NKIRAS1: variants seen among roughly 807,000 people sequenced by gnomAD.
The protein encoded by NKIRAS1 is NF-kappa-B inhibitor-interacting Ras-like protein 1.
In NKIRAS1, 16 loss-of-function variants were observed where a neutral mutation model predicts 19.8. The observed-to-expected ratio is 0.81, with a 90% CI of 0.55 to 1.23. The LOEUF is 1.23. NKIRAS1 is among the 50% of genes most tolerant of loss of function. NKIRAS1 has a pLI of 0.00. For missense variants in NKIRAS1, 184 were observed against 220.0 expected (o/e 0.84, Z 1.04); for synonymous variants, 88 against 79.0 (o/e 1.11, Z -0.61).
upstream of NKIRAS1, chr3:23,920,883 T>C (rs1168479296): frequency 6.5e-5 from 40 of 613,868 alleles, no homozygotes; most frequent in Non-Finnish European, 7.9e-5. Flanking sequence ...CTTACAGTGC[T>C]AATGTACTTT....
intron 3 of NKIRAS1, among the ~76,000 whole-genome samples, chr3:23,908,705 G>C (rs1032070279): frequency 1.3e-5 from 2 of 151,582 alleles, no homozygotes; most frequent in African/African-American, 4.9e-5. Flanking sequence ...TTTCAGACAG[G>C]GTCTCCTAAG....
At position 23,943,856 on chromosome 3, in the gene NKIRAS1, C is replaced by A. The variant is rs568903993; in HGVS notation, c.-140+2467G>T. On this transcript the variant is annotated intron_variant, in intron 1 of 4. Transcript: ENST00000421515. ...TTGGAAAGAGAAGCAGGACCCACAT[C>A]TGTGCAGGGCGAAGCAGGTCAGGTT... 2.5e-3 allele frequency among the ~76,000 whole-genome samples: 374 copies of A among 152,354 alleles called. 1 individual carries two copies. The highest frequency in any genetic ancestry group is 4.3e-3 in the Non-Finnish European group (290 of 68,040).
At chr3:23,917,820 T>C (rs374895871), upstream of NKIRAS1, 42 of 1,576,328 alleles carry the variant, frequency 2.7e-5, no homozygotes, top group Non-Finnish European at 3.3e-5. Flanking sequence ...TTAAAGCGGA[T>C]GATATTTAAT....
chr3:23,921,575 T>TGG (rs1559513555), upstream of NKIRAS1: 2 of 547,024 alleles, frequency 3.7e-6, no homozygotes, highest in Admixed American at 5.4e-5. Flanking sequence ...ATTGAGTTTT[T>TGG]TTTTTTTTTT....
chr3:23,910,974 T>C, intron 2 of NKIRAS1, 53 bp from the exon 3 acceptor site: 1 of 1,312,794 alleles, frequency 7.6e-7, no homozygotes, highest in Non-Finnish European at 1.1e-6. Flanking sequence ...AATTAACCAT[T>C]TCTTTTTCTT....
In NKIRAS1 at chr3:23,894,174, C is replaced by T. The variant is rs1056447971; in HGVS notation, c.337-837G>A. Among the ~76,000 whole-genome samples the T allele has an allele frequency of 6.6e-5, 10 of 152,264 alleles. No individual in the cohort carries two copies. In the South Asian group the frequency reaches 1.2e-3, roughly 19 times the overall value. On this transcript the variant is annotated intron_variant, in intron 4 of 4. Coordinates refer to ENST00000425478, the MANE Select transcript of NKIRAS1 (RefSeq NM_020345.4). ...TGCTTACTATACACCAGACACTGCG[C>T]GTGACAGAATACAGCAGTCAAAGCT...
chr3:23,899,069 T>C (rs546107736), intron 4 of NKIRAS1, among the ~76,000 whole-genome samples: 3 of 152,264 alleles, frequency 2.0e-5, no homozygotes, highest in Non-Finnish European at 4.4e-5. Flanking sequence ...AACCGGTCCC[T>C]GGTGCCAAAA....
intron 4 of NKIRAS1, among the ~76,000 whole-genome samples, chr3:23,897,028 A>C (rs142692169): frequency 1.3e-5 from 2 of 152,076 alleles, no homozygotes; most frequent in Non-Finnish European, 2.9e-5. Context: ...GCAACAGAGC[A>C]AGACCTTGTC....
rs1158130725 is a variant in NKIRAS1 at position 23,890,450 on chromosome 3, G to T, written c.*2645C>A. 1.9e-6 allele frequency: 3 copies of T among 1,548,888 alleles called. No individual in the cohort carries two copies. The East Asian group carries it at 6.9e-5, about 36-fold the overall frequency. ...GTATCTACCCAAGCTGTCACTATTCGCTAAAGTTTAAAATGTTCTTTTCCT... is the reference window on the plus strand; with the variant it reads ...GTATCTACCCAAGCTGTCACTATTCTCTAAAGTTTAAAATGTTCTTTTCCT... On this transcript the variant is annotated 3_prime_UTR_variant, in exon 5 of 5. Transcript: ENST00000425478.
In NKIRAS1 at chr3:23,891,604, C is replaced by A. The variant is rs943666084; in HGVS notation, c.*1491G>T. 6.6e-6 allele frequency: 1 copy of A among 152,186 alleles called. No individual in the cohort carries two copies. The highest frequency in any genetic ancestry group is 1.5e-5 in the Non-Finnish European group (1 of 68,026). The allele number at this position is 152,186 out of a possible 1,614,324, so 9.4% of individuals were successfully genotyped here. The stretch of plus-strand genomic sequence containing the variant: ...GTAGCAAGTACATGAGAAATGGGTT[C>A]CGTCATGGATAAATTGGTACCCTGC... On this transcript the variant is annotated 3_prime_UTR_variant, in exon 5 of 5. Coordinates refer to ENST00000425478, the MANE Select transcript of NKIRAS1 (RefSeq NM_020345.4).
chr3:23,934,505 C>T (rs1253751444), intron 1 of NKIRAS1, among the ~76,000 whole-genome samples: 1 of 152,160 alleles, frequency 6.6e-6, no homozygotes, highest in African/African-American at 2.4e-5. Flanking sequence ...ATTCTGCTTT[C>T]GTACTGCAAA....
intron 1 of NKIRAS1, among the ~76,000 whole-genome samples, chr3:23,937,932 C>T (rs1006132588): frequency 3.3e-5 from 5 of 151,734 alleles, no homozygotes; most frequent in South Asian, 2.1e-4. Flanking sequence ...TCCAAATGAA[C>T]GAAAAGATAT....
upstream of NKIRAS1, chr3:23,917,768 G>A (rs527936972): frequency 1.4e-6 from 2 of 1,383,768 alleles, no homozygotes; most frequent in African/African-American, 2.9e-5. Context: ...CCTTGTTTTT[G>A]TTGGGGAACT....
chr3:23,904,022 G>A (rs1235688014), intron 3 of NKIRAS1, among the ~76,000 whole-genome samples: 1 of 152,154 alleles, frequency 6.6e-6, no homozygotes, highest in Non-Finnish European at 1.5e-5. Context: ...AAAATTAGCT[G>A]GGCACGGTGG....
chr3:23,890,758 CTT>C lies in NKIRAS1; in HGVS notation c.*2335_*2336del. ...CTTATTTCCTAAGATTTTGTTGTAA[CTT>C]AAGGTATCTTGCTACAGTAGACAGA... On this transcript the variant is annotated 3_prime_UTR_variant, in exon 5 of 5. Coordinates refer to ENST00000425478, the MANE Select transcript of NKIRAS1 (RefSeq NM_020345.4). The C allele has an allele frequency of 1.6e-6, 1 of 622,704 alleles. No individual in the cohort carries two copies. Among genetic ancestry groups the C allele is most frequent in the Non-Finnish European group, 2.5e-6 (1 of 399,066 alleles). The allele number at this position is 622,704 out of a possible 1,614,324, so 38.6% of individuals were successfully genotyped here.
chr3:23,925,180 TC>T (rs1259638198), intron 1 of NKIRAS1, among the ~76,000 whole-genome samples: 3 of 152,188 alleles, frequency 2.0e-5, no homozygotes, highest in Non-Finnish European at 2.9e-5. Flanking sequence ...CATACACTAA[TC>T]CATTTCGTTT....
upstream of NKIRAS1, chr3:23,918,114 C>G: frequency 1.4e-6 from 2 of 1,477,386 alleles, no homozygotes; most frequent in Non-Finnish European, 1.8e-6. Flanking sequence ...ACACTGCTGC[C>G]TCAGTGTCTT....
chr3:23,920,587 G>A, upstream of NKIRAS1: 1 of 985,262 alleles, frequency 1.0e-6, no homozygotes, highest in Non-Finnish European at 1.2e-6. Context: ...TAAAGAAAAT[G>A]TAGACAAGGA....
upstream of NKIRAS1, chr3:23,921,626 G>A (rs1705088807): frequency 1.5e-6 from 1 of 646,948 alleles, no homozygotes; most frequent in Admixed American, 2.2e-5. Flanking sequence ...TCAGGTGGGA[G>A]TGCAGTGGGG....
Sources: gnomAD v4.1 joint callset for allele counts (sites outside exome capture counted in the v4.1 genomes callset) on GRCh38, gnomAD v4.1.1 for gene constraint, MANE v1.5 for transcripts, NCBI Gene and HGNC (gene_info 2026-07-23, HGNC 2026-07-21) for gene names.